Variants in GLO1 observed in about 807,000 individuals in gnomAD.
GLO1 encodes the protein glyoxalase I.
GLO1 carries 28 observed loss-of-function variants against 26.0 expected under a neutral mutation model. The ratio of observed to expected loss-of-function variants is 1.08; its 90% CI spans 0.80 to 1.48. The LOEUF (loss-of-function observed/expected upper bound fraction) is 1.48, where lower values mean the gene tolerates loss of function less well. Ranked by LOEUF, GLO1 falls within the 40% of genes most tolerant of loss-of-function variation. The pLI is 0.00. For synonymous variants in GLO1, 78 were observed against 77.6 expected (o/e 1.00, Z -0.03); for missense variants, 225 against 224.8 (o/e 1.00, Z -0.01).
intron 1 of GLO1, among the ~76,000 whole-genome samples, 183 bp downstream of exon 1, chr6:38,702,788 C>A (rs545115575): frequency 6.2e-4 from 95 of 152,252 alleles, no homozygotes; most frequent in Non-Finnish European, 9.1e-4. Flanking sequence ...GGCAACAGAT[C>A]CCCTCCACAC....
chr6:38,697,379 C>T (rs954255016), intron 1 of GLO1, among the ~76,000 whole-genome samples: 3 of 152,070 alleles, frequency 2.0e-5, no homozygotes, highest in African/African-American at 4.8e-5. Context: ...TTACAGGAGT[C>T]GACACAGATC....
chr6:38,690,544 T>C (rs1761515109), intron 1 of GLO1, among the ~76,000 whole-genome samples: 1 of 143,218 alleles, frequency 7.0e-6, no homozygotes, highest in South Asian at 2.1e-4. Context: ...AAAAACATTA[T>C]ATATATATAC....
rs1554186605 is a variant in GLO1, at chr6:38,678,414, A to AG, written c.467-1032dup. Among the ~76,000 whole-genome samples the AG allele has an allele frequency of 9.7e-4, 136 of 139,762 alleles. 2 individuals carry two copies. The highest frequency in any genetic ancestry group is 1.3e-3 in the Non-Finnish European group (87 of 65,318). 91.7% of individuals were successfully genotyped at this position (139,762 alleles called of 152,430 possible). A position where few individuals can be genotyped will look rare whatever the true frequency, so the allele number is the denominator to read the frequency against. On this transcript the variant is annotated intron_variant, in intron 5 of 5. Coordinates refer to ENST00000373365, the MANE Select transcript of GLO1 (RefSeq NM_006708.3). Reference sequence around the variant, plus strand: ...AGGAAGGAAGGAAAAGAAAAGGAAAAGAAAAGAAAAGAAAAGAAAAGGAAA... The same window carrying AG: ...AGGAAGGAAGGAAAAGAAAAGGAAAAGGAAAAGAAAAGAAAAGAAAAGGAAA...
intron 5 of GLO1, among the ~76,000 whole-genome samples, chr6:38,681,308 C>T (rs774174677): frequency 5.3e-5 from 8 of 152,150 alleles, no homozygotes; most frequent in African/African-American, 1.4e-4. Context: ...GTGATCCGCC[C>T]GCCTTGGCCT....
chr6:38,693,685 C>CTCTCTCTATATA (rs869232489), intron 1 of GLO1, among the ~76,000 whole-genome samples: 101 of 86,410 alleles, frequency 1.2e-3, no homozygotes, highest in African/African-American at 3.8e-3. Context: ...CTCTCTCTCT[C>CTCTCTCTATATA]TATATATATA....
At chr6:38,702,557 G>A (rs1761720618) in intron 1 of GLO1, among the ~76,000 whole-genome samples, 1 of 152,184 alleles carries the variant, frequency 6.6e-6, no homozygotes, top group African/African-American at 2.4e-5. Flanking sequence ...GTTTGCAGGA[G>A]TTAAGACTGC....
intron 1 of GLO1, among the ~76,000 whole-genome samples, chr6:38,691,258 G>C (rs1257590758): frequency 6.6e-6 from 1 of 152,060 alleles, no homozygotes; most frequent in Non-Finnish European, 1.5e-5. Context: ...TTTTTTTCGG[G>C]GGGAGGGGAA....
chr6:38,700,208 C>T (rs1316815592), intron 1 of GLO1, among the ~76,000 whole-genome samples: 1 of 152,114 alleles, frequency 6.6e-6, no homozygotes, highest in Non-Finnish European at 1.5e-5. Context: ...GGGGTGGGTT[C>T]CCCCCGTATC....
At chr6:38,699,166 A>G (rs1333164109) in intron 1 of GLO1, among the ~76,000 whole-genome samples, 1 of 152,224 alleles carries the variant, frequency 6.6e-6, no homozygotes. Flanking sequence ...GTGGGAAGTC[A>G]GGGACCCCGA....
At chr6:38,681,984 G>T in intron 5 of GLO1, 28 bp downstream of exon 5, 6 of 1,096,794 alleles carry the variant, frequency 5.5e-6, no homozygotes, top group Non-Finnish European at 8.5e-6. Context: ...CTAAAGACAG[G>T]CCTGAACACA....
At chr6:38,684,224 C>T in intron 3 of GLO1, 150 bp downstream of exon 3, 2 of 337,268 alleles carry the variant, frequency 5.9e-6, no homozygotes, top group Non-Finnish European at 5.2e-6. Flanking sequence ...TCAAAAGATG[C>T]ATGAAAAACA....
chr6:38,687,740 T>C (rs1385417348), intron 1 of GLO1, among the ~76,000 whole-genome samples: 1 of 152,228 alleles, frequency 6.6e-6, no homozygotes, highest in African/African-American at 2.4e-5. Flanking sequence ...TAACTCTATA[T>C]GGTATTACTG....
At chr6:38,688,467 G>A (rs1433092357) in intron 1 of GLO1, among the ~76,000 whole-genome samples, 1 of 151,928 alleles carries the variant, frequency 6.6e-6, no homozygotes, top group African/African-American at 2.4e-5. Context: ...TTCATATTCC[G>A]GTCTAAGTAT....
intron 2 of GLO1, among the ~76,000 whole-genome samples, 180 bp downstream of exon 2, chr6:38,686,712 G>T (rs3778443): frequency 1.4e-4 from 22 of 152,170 alleles, no homozygotes; most frequent in Non-Finnish European, 2.4e-4. Flanking sequence ...AGGCTGGCTG[G>T]GATAGAGAAG....
intron 1 of GLO1, among the ~76,000 whole-genome samples, chr6:38,696,322 T>C (rs1761610527): frequency 6.6e-6 from 1 of 152,262 alleles, no homozygotes; most frequent in Non-Finnish European, 1.5e-5. Flanking sequence ...ACTAGAGAGC[T>C]TTGTAAGAGG....
At chr6:38,685,662 C>T (rs752440776) in intron 2 of GLO1, among the ~76,000 whole-genome samples, 3 of 152,178 alleles carry the variant, frequency 2.0e-5, no homozygotes, top group Admixed American at 1.3e-4. Context: ...AAGTATCAAA[C>T]ACCTCAAATA....
intron 3 of GLO1, 191 bp from the exon 4 acceptor site, chr6:38,683,066 G>A: frequency 1.8e-6 from 1 of 543,318 alleles, no homozygotes; most frequent in Non-Finnish European, 3.3e-6. Flanking sequence ...CGAGACTAAA[G>A]AGACAGTAAA....
intron 3 of GLO1, among the ~76,000 whole-genome samples, chr6:38,683,629 T>G (rs1195218067): frequency 6.6e-6 from 1 of 152,200 alleles, no homozygotes; most frequent in Admixed American, 6.5e-5. Context: ...GGGTCACGCC[T>G]GTAATCCCAG....
intron 1 of GLO1, among the ~76,000 whole-genome samples, chr6:38,692,927 G>T (rs1761552648): frequency 6.7e-6 from 1 of 150,300 alleles, no homozygotes; most frequent in African/African-American, 2.5e-5. Context: ...GTTGAATTCT[G>T]TTTACTAACA....
Sources: allele counts gnomAD v4.1 joint callset (sites outside exome capture counted in the v4.1 genomes callset), GRCh38; gene constraint gnomAD v4.1.1; transcripts MANE v1.5; gene names NCBI Gene and HGNC (gene_info 2026-07-23, HGNC 2026-07-21).